STX8: variants seen among roughly 807,000 people sequenced by gnomAD.
STX8 encodes syntaxin 8, also known as syntaxin-8.
STX8 carries 23 observed loss-of-function variants against 37.5 expected under a neutral mutation model. The observed-to-expected ratio is 0.61, with a 90% CI of 0.44 to 0.87. The LOEUF is 0.87. Ranked by LOEUF, STX8 falls within the 40% of genes least tolerant of loss-of-function variation. The pLI, the probability that STX8 is intolerant of heterozygous loss-of-function variation, is 0.00. For synonymous variants in STX8, 115 were observed against 99.1 expected, an observed-to-expected ratio of 1.16 and a Z score of -0.95; for missense variants, 313 against 284.7, an observed-to-expected ratio of 1.10 and a Z score of -0.71.
intron 7 of STX8, among the ~76,000 whole-genome samples, chr17:9,298,160 AC>A (rs1908633603): frequency 6.6e-6 from 1 of 151,778 alleles, no homozygotes; most frequent in Non-Finnish European, 1.5e-5. Context: ...GGGAAAGCAC[AC>A]TCTGTTTCTG....
chr17:9,359,818 G>A (rs536828155), intron 7 of STX8, among the ~76,000 whole-genome samples: 3 of 152,070 alleles, frequency 2.0e-5, no homozygotes, highest in Non-Finnish European at 2.9e-5. Context: ...TGTGATAGGA[G>A]TTTTAATTTT....
At chr17:9,324,521 G>C (rs1156759053) in intron 7 of STX8, among the ~76,000 whole-genome samples, 1 of 151,988 alleles carries the variant, frequency 6.6e-6, no homozygotes, top group African/African-American at 2.4e-5. Context: ...CCTGCACTTT[G>C]GGGGGCTGAG....
intron 7 of STX8, among the ~76,000 whole-genome samples, chr17:9,305,240 G>C (rs1288360032): frequency 1.3e-5 from 2 of 151,930 alleles, no homozygotes; most frequent in Non-Finnish European, 2.9e-5. Context: ...TTACAGGCAT[G>C]CTCCACCACG....
intron 5 of STX8, among the ~76,000 whole-genome samples, chr17:9,500,962 G>A (rs748851509): frequency 3.1e-4 from 47 of 152,104 alleles, no homozygotes; most frequent in Admixed American, 1.1e-3. Context: ...CCAAGATCTC[G>A]CTACTGCACT....
intron 7 of STX8, among the ~76,000 whole-genome samples, chr17:9,259,474 G>A (rs1906927078): frequency 6.6e-6 from 1 of 152,212 alleles, no homozygotes; most frequent in Admixed American, 6.5e-5. Context: ...GGAACACCTG[G>A]GTGGCATTTA....
chr17:9,563,152 C>CATTCATTTATTTATTTATTT (rs1555537848), intron 2 of STX8, among the ~76,000 whole-genome samples: 2 of 142,012 alleles, frequency 1.4e-5, no homozygotes, highest in African/African-American at 5.2e-5. Flanking sequence ...TTCATTCATC[C>CATTCATTTATTTATTTATTT]ATTTATTTAT....
At chr17:9,556,504 C>A (rs936366698) in intron 3 of STX8, among the ~76,000 whole-genome samples, 1 of 151,888 alleles carries the variant, frequency 6.6e-6, no homozygotes, top group African/African-American at 2.4e-5. Context: ...TGCTTTGGCA[C>A]GATCTCGGCT....
intron 6 of STX8, among the ~76,000 whole-genome samples, chr17:9,433,875 C>T (rs1914058217): frequency 6.6e-6 from 1 of 152,134 alleles, no homozygotes; most frequent in Non-Finnish European, 1.5e-5. Flanking sequence ...AAGAAAGATG[C>T]TCTTCTTGAG....
intron 7 of STX8, among the ~76,000 whole-genome samples, chr17:9,372,221 C>A (rs193301887): frequency 6.6e-6 from 1 of 152,092 alleles, no homozygotes; most frequent in African/African-American, 2.4e-5. Context: ...TTTTCCCTCC[C>A]GTCTTTTTCT....
At chr17:9,336,405 TCCC>T (rs1910141158) in intron 7 of STX8, among the ~76,000 whole-genome samples, 1 of 151,586 alleles carries the variant, frequency 6.6e-6, no homozygotes, top group Admixed American at 6.6e-5. Context: ...TTCCCCTTCC[TCCC>T]TTCCTTCCCC....
chr17:9,518,816 C>T (rs1203215170), intron 4 of STX8, among the ~76,000 whole-genome samples: 1 of 151,366 alleles, frequency 6.6e-6, no homozygotes, highest in African/African-American at 2.4e-5. Flanking sequence ...TACAGTGGAG[C>T]CGAGATCGTG....
intron 7 of STX8, among the ~76,000 whole-genome samples, chr17:9,362,056 C>T (rs577545016): frequency 5.3e-5 from 8 of 152,208 alleles, no homozygotes; most frequent in South Asian, 4.1e-4. Context: ...CTAGGCTGGA[C>T]GCAGTGGCTC....
rs535980024 is a variant in STX8 at position 9,560,203 on chromosome 17, GC to G, written c.118-2676del. Among the ~76,000 whole-genome samples, 109 of 150,922 alleles carry G rather than the reference GC, an allele frequency of 7.2e-4. No homozygotes were observed. In the Middle Eastern group the frequency reaches 0.017, roughly 24 times the overall value. ...TCACGAGGTCAGGAGTTCAAAACCA[GC>G]CTGGCCAACATGGTGAAACCCTGTC... is the stretch of plus-strand genomic sequence containing the variant. On this transcript the variant is annotated intron_variant, in intron 2 of 7. Coordinates refer to ENST00000306357, the MANE Select transcript of STX8 (RefSeq NM_004853.3).
chr17:9,573,397 C>T (rs1024150742), intron 1 of STX8, among the ~76,000 whole-genome samples: 7 of 152,164 alleles, frequency 4.6e-5, no homozygotes, highest in African/African-American at 1.4e-4. Context: ...TTGATAATAA[C>T]TCAACCAATT....
chr17:9,477,856 G>A (rs1906165471), intron 6 of STX8, among the ~76,000 whole-genome samples: 1 of 152,134 alleles, frequency 6.6e-6, no homozygotes, highest in Admixed American at 6.5e-5. Context: ...CCCATTCTTG[G>A]GTGGGGAAGG....
intron 7 of STX8, among the ~76,000 whole-genome samples, chr17:9,299,383 C>T (rs924707849): frequency 6.6e-6 from 1 of 151,168 alleles, no homozygotes; most frequent in African/African-American, 2.4e-5. Context: ...AGCCACAAAA[C>T]CTCGATGATT....
intron 7 of STX8, among the ~76,000 whole-genome samples, chr17:9,355,536 T>C (rs1910850858): frequency 6.7e-6 from 1 of 149,878 alleles, no homozygotes; most frequent in South Asian, 2.1e-4. Flanking sequence ...GGAGTCTCAT[T>C]CTGTCGCCCA....
intron 4 of STX8, among the ~76,000 whole-genome samples, chr17:9,509,195 G>C (rs1321663505): frequency 1.3e-5 from 2 of 152,186 alleles, no homozygotes; most frequent in African/African-American, 4.8e-5. Context: ...GTTGCAGTGA[G>C]CTGAGACCAC....
At chr17:9,404,531 T>G (rs1301339910) in intron 6 of STX8, among the ~76,000 whole-genome samples, 1 of 152,068 alleles carries the variant, frequency 6.6e-6, no homozygotes, top group African/African-American at 2.4e-5. Flanking sequence ...CTCAGCTCAC[T>G]GCAACCTCTG....
Sources: allele counts gnomAD v4.1 joint callset (sites outside exome capture counted in the v4.1 genomes callset), GRCh38; gene constraint gnomAD v4.1.1; transcripts MANE v1.5; gene names NCBI Gene and HGNC (gene_info 2026-07-23, HGNC 2026-07-21).